The following PDE7B variants were observed in gnomAD, a reference collection of about 807,000 sequenced individuals.
PDE7B encodes 3',5'-cyclic-AMP phosphodiesterase 7B.
Under a neutral mutation model 56.2 loss-of-function variants are expected in PDE7B, and 29 were observed. The ratio of observed to expected loss-of-function variants is 0.52; its 90% CI spans 0.38 to 0.70. The LOEUF is 0.70. Among genes scored for constraint, PDE7B ranks in the 30% least tolerant of loss-of-function variants. PDE7B has a pLI of 0.00. For missense variants in PDE7B, 490 were observed against 565.0 expected (o/e 0.87, Z 1.35); for synonymous variants, 197 against 196.9 (o/e 1.00, Z 0.00).
At chr6:136,130,928 G>A (rs892184943) in intron 3 of PDE7B, among the ~76,000 whole-genome samples, 1 of 152,134 alleles carries the variant, frequency 6.6e-6, no homozygotes, top group African/African-American at 2.4e-5. Flanking sequence ...ATTACCATGA[G>A]AACAGTATGG....
chr6:136,111,750 C>G (rs2128442353), intron 3 of PDE7B, among the ~76,000 whole-genome samples: 1 of 152,220 alleles, frequency 6.6e-6, no homozygotes, highest in Admixed American at 6.5e-5. Flanking sequence ...TCTCGTAGAA[C>G]TTTTCTTTTT....
intron 2 of PDE7B, among the ~76,000 whole-genome samples, chr6:136,053,260 C>T (rs1332021023): frequency 7.0e-6 from 1 of 142,164 alleles, no homozygotes; most frequent in Non-Finnish European, 1.5e-5. Context: ...TTCCTGTGTC[C>T]ATGTGTTCTT....
chr6:136,105,041 A>G (rs1777626058), intron 2 of PDE7B, among the ~76,000 whole-genome samples: 1 of 152,234 alleles, frequency 6.6e-6, no homozygotes, highest in Non-Finnish European at 1.5e-5. Context: ...GTGCAGTGTG[A>G]AAATTTGTTG....
intron 1 of PDE7B, among the ~76,000 whole-genome samples, chr6:135,942,262 G>A (rs1259887469): frequency 6.6e-6 from 1 of 152,060 alleles, no homozygotes; most frequent in Non-Finnish European, 1.5e-5. Flanking sequence ...TATATTTTGT[G>A]CACATTTTGC....
rs538179235 is a variant in PDE7B, at chr6:136,005,295, C to T, written c.82+57771C>T. ...TTACCATTCAGGACATAGGCATGGG[C>T]AAGGACTTCATGTCTAAAACACCAA... On this transcript the variant is annotated intron_variant, in intron 2 of 12. Transcript: ENST00000308191. Among the ~76,000 whole-genome samples, 620 of 152,262 alleles carry T rather than the reference C, an allele frequency of 4.1e-3. 2 individuals are homozygous for T. The highest frequency in any genetic ancestry group is 7.4e-3 in the Non-Finnish European group (502 of 68,018).
At chr6:136,069,794 A>C (rs1777014932) in intron 2 of PDE7B, among the ~76,000 whole-genome samples, 1 of 152,222 alleles carries the variant, frequency 6.6e-6, no homozygotes, top group Non-Finnish European at 1.5e-5. Context: ...CTTGGTAAAA[A>C]TATCACAAAA....
chr6:136,141,349 G>C (rs1285493306), intron 3 of PDE7B, among the ~76,000 whole-genome samples: 1 of 152,168 alleles, frequency 6.6e-6, no homozygotes, highest in African/African-American at 2.4e-5. Flanking sequence ...TTTTTGATGT[G>C]CTGCTGGATT....
chr6:135,976,204 A>G (rs1775183736), intron 2 of PDE7B, among the ~76,000 whole-genome samples: 1 of 152,100 alleles, frequency 6.6e-6, no homozygotes, highest in Admixed American at 6.6e-5. Flanking sequence ...ATTCTTATCA[A>G]ATGTTTCAGA....
intron 2 of PDE7B, among the ~76,000 whole-genome samples, chr6:136,079,906 G>C (rs1003392058): frequency 3.3e-5 from 5 of 151,984 alleles, no homozygotes; most frequent in Admixed American, 6.6e-5. Context: ...CTCCTTTGTA[G>C]ATTGGGACCC....
At chr6:136,108,646 G>A (rs950317496) in intron 2 of PDE7B, 85 bp from the exon 3 acceptor site, 1 of 853,400 alleles carries the variant, frequency 1.2e-6, no homozygotes, top group African/African-American at 1.7e-5. Context: ...GACATCTGGG[G>A]TTGGTTTCAT....
At chr6:135,936,931 T>A (rs1486058877) in intron 1 of PDE7B, among the ~76,000 whole-genome samples, 1 of 152,154 alleles carries the variant, frequency 6.6e-6, no homozygotes, top group Non-Finnish European at 1.5e-5. Context: ...CCATATGGAG[T>A]ATACTAAATC....
intron 3 of PDE7B, among the ~76,000 whole-genome samples, chr6:136,115,789 G>A (rs995369727): frequency 2.0e-5 from 3 of 152,162 alleles, no homozygotes; most frequent in East Asian, 1.9e-4. Context: ...CACACCAACC[G>A]CCACAGGACT....
intron 8 of PDE7B, among the ~76,000 whole-genome samples, chr6:136,171,230 G>T (rs146185486): frequency 2.6e-5 from 4 of 152,242 alleles, no homozygotes; most frequent in African/African-American, 9.6e-5. Context: ...TATAACACAG[G>T]TTCCCTCAAG....
intron 2 of PDE7B, among the ~76,000 whole-genome samples, chr6:136,066,992 A>G (rs1337679183): frequency 6.6e-6 from 1 of 152,038 alleles, no homozygotes; most frequent in African/African-American, 2.4e-5. Flanking sequence ...AGTAGATGGA[A>G]CCACAGGTGT....
At chr6:135,916,037 A>C (rs927087296) in intron 1 of PDE7B, among the ~76,000 whole-genome samples, 1 of 152,192 alleles carries the variant, frequency 6.6e-6, no homozygotes, top group South Asian at 2.1e-4. Context: ...ATTTTTGTGA[A>C]GGCATGTTTT....
intron 1 of PDE7B, among the ~76,000 whole-genome samples, chr6:135,898,898 A>C (rs755728057): frequency 3.9e-5 from 6 of 152,190 alleles, no homozygotes; most frequent in Non-Finnish European, 8.8e-5. Context: ...ACCAAATTAC[A>C]TATGATATGG....
intron 1 of PDE7B, among the ~76,000 whole-genome samples, chr6:135,857,536 A>C (rs1009285202): frequency 6.6e-6 from 1 of 152,150 alleles, no homozygotes; most frequent in Non-Finnish European, 1.5e-5. Context: ...AGACATGGAG[A>C]GGCTACCATA....
chr6:135,948,877 AG>A (rs1774639157), intron 2 of PDE7B, among the ~76,000 whole-genome samples: 1 of 146,156 alleles, frequency 6.8e-6, no homozygotes, highest in African/African-American at 2.7e-5. Flanking sequence ...ATAGATAGAT[AG>A]ATAGATAGAT....
chr6:136,129,909 C>CT (rs1778087286), intron 3 of PDE7B, among the ~76,000 whole-genome samples: 1 of 152,134 alleles, frequency 6.6e-6, no homozygotes, highest in Admixed American at 6.5e-5. Flanking sequence ...AGTGCACATC[C>CT]TTTTTTGTGC....
Sources: gnomAD v4.1 joint callset for allele counts (sites outside exome capture counted in the v4.1 genomes callset) on GRCh38, gnomAD v4.1.1 for gene constraint, MANE v1.5 for transcripts, NCBI Gene and HGNC (gene_info 2026-07-23, HGNC 2026-07-21) for gene names.